The following NEGR1 variants were observed in gnomAD, a reference collection of about 807,000 sequenced individuals.
NEGR1 encodes IgLON family member 4.
In NEGR1, 10 loss-of-function variants were observed where a neutral mutation model predicts 40.9. The ratio of observed to expected loss-of-function variants is 0.24; its 90% confidence interval spans 0.15 to 0.42. NEGR1 has a LOEUF of 0.42. Ranked by LOEUF, NEGR1 falls within the 10% of genes least tolerant of loss-of-function variation. The probability of loss-of-function intolerance (pLI) is 1.00; values close to 1 mark genes in which losing one functional copy is unlikely to be tolerated. For synonymous variants in NEGR1, 185 were observed against 166.8 expected, an observed-to-expected ratio of 1.11 and a Z score of -0.84; for missense variants, 352 against 438.9, an observed-to-expected ratio of 0.80 and a Z score of 1.77.
At chr1:72,062,600 C>T (rs1346146418) in intron 1 of NEGR1, among the ~76,000 whole-genome samples, 2 of 151,868 alleles carry the variant, frequency 1.3e-5, no homozygotes, top group Non-Finnish European at 1.5e-5. Context: ...TGCTTGGTGA[C>T]CAAAATGATG....
At chr1:71,658,763 T>C (rs1044642856) in intron 4 of NEGR1, among the ~76,000 whole-genome samples, 2 of 152,242 alleles carry the variant, frequency 1.3e-5, no homozygotes, top group African/African-American at 2.4e-5. Flanking sequence ...GGAGATCTTG[T>C]TGAGGAACTG....
intron 2 of NEGR1, among the ~76,000 whole-genome samples, chr1:71,899,453 C>T (rs1661088132): frequency 6.6e-6 from 1 of 152,042 alleles, no homozygotes; most frequent in African/African-American, 2.4e-5. Flanking sequence ...GACAGATTTT[C>T]TGAGCTGGGG....
intron 4 of NEGR1, among the ~76,000 whole-genome samples, chr1:71,616,167 G>T (rs992080553): frequency 1.3e-5 from 2 of 152,124 alleles, no homozygotes; most frequent in African/African-American, 2.4e-5. Context: ...TTATTGCAGG[G>T]GTCTGTTAGG....
chr1:71,979,989 T>C (rs1022879004), intron 1 of NEGR1, among the ~76,000 whole-genome samples: 6 of 152,152 alleles, frequency 3.9e-5, no homozygotes, highest in Admixed American at 3.3e-4. Flanking sequence ...AAGAATATTG[T>C]TAACCATTTC....
At chr1:71,496,325 G>A (rs913757565) in intron 6 of NEGR1, among the ~76,000 whole-genome samples, 10 of 152,128 alleles carry the variant, frequency 6.6e-5, no homozygotes, top group Non-Finnish European at 1.2e-4. Flanking sequence ...CTGGCTTCCA[G>A]AACTAGAAGG....
chr1:71,840,787 G>C (rs1659209530), intron 2 of NEGR1, among the ~76,000 whole-genome samples: 2 of 152,112 alleles, frequency 1.3e-5, no homozygotes. Context: ...AGTTGTTTCT[G>C]TGAGAATGTT....
chr1:71,441,466 A>G (rs985439831), intron 6 of NEGR1, among the ~76,000 whole-genome samples: 3 of 152,188 alleles, frequency 2.0e-5, no homozygotes, highest in African/African-American at 7.2e-5. Flanking sequence ...TTTTGAACCT[A>G]GACCACAAAA....
intron 2 of NEGR1, among the ~76,000 whole-genome samples, chr1:71,843,869 T>A (rs1451439492): frequency 6.6e-6 from 1 of 152,194 alleles, no homozygotes; most frequent in African/African-American, 2.4e-5. Context: ...TAGTGAAATC[T>A]TAACATGTCT....
intron 3 of NEGR1, among the ~76,000 whole-genome samples, chr1:71,728,973 A>T (rs551584252): frequency 1.3e-5 from 2 of 152,084 alleles, no homozygotes; most frequent in African/African-American, 4.8e-5. Context: ...TCCAATTCTG[A>T]CAGAAGAACA....
chr1:71,969,583 T>G (rs1646239353), intron 1 of NEGR1, among the ~76,000 whole-genome samples: 1 of 152,228 alleles, frequency 6.6e-6, no homozygotes, highest in Non-Finnish European at 1.5e-5. Context: ...CCTCCATATT[T>G]TCTCAGTGTG....
At chr1:72,237,060 A>G (rs1484108885) in intron 1 of NEGR1, among the ~76,000 whole-genome samples, 1 of 151,990 alleles carries the variant, frequency 6.6e-6, no homozygotes, top group Non-Finnish European at 1.5e-5. Context: ...ATTATTTAAC[A>G]TATTATCTTT....
intron 1 of NEGR1, among the ~76,000 whole-genome samples, chr1:72,232,404 A>C (rs892818727): frequency 2.0e-5 from 3 of 152,016 alleles, no homozygotes; most frequent in Admixed American, 6.6e-5. Flanking sequence ...TTTACAATCA[A>C]GCATACAAAC....
At chr1:72,140,307 A>G (rs1032222890) in intron 1 of NEGR1, among the ~76,000 whole-genome samples, 6 of 152,066 alleles carry the variant, frequency 3.9e-5, no homozygotes, top group African/African-American at 1.2e-4. Context: ...GTATAACAGA[A>G]TATCTAAGAA....
At chr1:71,626,929 A>G (rs1315836436) in intron 4 of NEGR1, among the ~76,000 whole-genome samples, 2 of 152,214 alleles carry the variant, frequency 1.3e-5, no homozygotes, top group Non-Finnish European at 2.9e-5. Flanking sequence ...AGAAATGCAA[A>G]TCAAAACCAC....
intron 2 of NEGR1, among the ~76,000 whole-genome samples, chr1:71,796,265 T>C (rs538208286): frequency 6.6e-6 from 1 of 152,256 alleles, no homozygotes; most frequent in Admixed American, 6.5e-5. Flanking sequence ...TGTTTCAGCC[T>C]GTGCAAAATG....
chr1:72,068,070 T>C (rs1647320931), intron 1 of NEGR1, among the ~76,000 whole-genome samples: 1 of 152,204 alleles, frequency 6.6e-6, no homozygotes, highest in South Asian at 2.1e-4. Context: ...TAGAGGTTCA[T>C]TGATTATAGT....
intron 4 of NEGR1, among the ~76,000 whole-genome samples, chr1:71,653,872 G>A (rs1271023788): frequency 6.6e-6 from 1 of 152,040 alleles, no homozygotes; most frequent in African/African-American, 2.4e-5. Flanking sequence ...TCACACAGCT[G>A]AAACACAGCA....
intron 3 of NEGR1, among the ~76,000 whole-genome samples, chr1:71,742,608 G>A (rs1655250259): frequency 1.3e-5 from 2 of 152,074 alleles, no homozygotes; most frequent in Non-Finnish European, 2.9e-5. Flanking sequence ...TCTATCCTAT[G>A]TCTGTCCTGC....
At chr1:72,117,153 A>G (rs1557535005) in intron 1 of NEGR1, among the ~76,000 whole-genome samples, 2 of 151,824 alleles carry the variant, frequency 1.3e-5, no homozygotes, top group Non-Finnish European at 2.9e-5. Flanking sequence ...TTACTAATAC[A>G]TGTTAAAATA....
Sources: allele counts gnomAD v4.1 joint callset (sites outside exome capture counted in the v4.1 genomes callset), GRCh38; gene constraint gnomAD v4.1.1; transcripts MANE v1.5; gene names NCBI Gene and HGNC (gene_info 2026-07-23, HGNC 2026-07-21).